Variants in CTNNA2 observed in about 807,000 individuals in gnomAD.
The protein encoded by CTNNA2 is catenin alpha 2.
In CTNNA2, 42 loss-of-function variants were observed where a neutral mutation model predicts 101.0. The observed-to-expected ratio is 0.42, with a 90% confidence interval of 0.32 to 0.54. The LOEUF (loss-of-function observed/expected upper bound fraction) is 0.54. CTNNA2 is among the 20% of genes least tolerant of loss of function. CTNNA2 has a pLI of 0.14. For synonymous variants in CTNNA2, 450 were observed against 456.4 expected (o/e 0.99, Z 0.18); for missense variants, 871 against 1,223.1 (o/e 0.71, Z 4.29).
intron 7 of CTNNA2, among the ~76,000 whole-genome samples, chr2:80,252,792 A>G (rs961150415): frequency 1.3e-5 from 2 of 152,124 alleles, no homozygotes; most frequent in Non-Finnish European, 2.9e-5. Context: ...AGGTTACAAG[A>G]GGACTTGTAG....
At chr2:79,902,807 A>G (rs956271100) in intron 6 of CTNNA2, among the ~76,000 whole-genome samples, 1 of 151,820 alleles carries the variant, frequency 6.6e-6, no homozygotes, top group African/African-American at 2.4e-5. Context: ...TTGTATTTTT[A>G]GTAGAGGCGG....
At chr2:79,329,066 G>A (rs554345120) in intron 3 of CTNNA2, among the ~76,000 whole-genome samples, 5 of 152,246 alleles carry the variant, frequency 3.3e-5, no homozygotes, top group East Asian at 3.9e-4. Flanking sequence ...CCTTAATCCA[G>A]CATGAACTCA....
intron 4 of CTNNA2, among the ~76,000 whole-genome samples, chr2:79,483,994 T>C (rs1671133881): frequency 6.6e-6 from 1 of 152,054 alleles, no homozygotes; most frequent in Non-Finnish European, 1.5e-5. Context: ...AAAATACATG[T>C]ATGGTTGGGA....
At chr2:80,530,370 C>A (rs1379198204) in intron 9 of CTNNA2, among the ~76,000 whole-genome samples, 1 of 152,158 alleles carries the variant, frequency 6.6e-6, no homozygotes, top group Non-Finnish European at 1.5e-5. Context: ...GTAGGGCACT[C>A]AACAAGGGAG....
chr2:80,008,748 C>T (rs1693557827), intron 7 of CTNNA2, among the ~76,000 whole-genome samples: 1 of 152,176 alleles, frequency 6.6e-6, no homozygotes, highest in Admixed American at 6.5e-5. Flanking sequence ...ATGGAAATGG[C>T]ACTACCACCC....
intron 1 of CTNNA2, among the ~76,000 whole-genome samples, chr2:79,603,040 A>G (rs535170966): frequency 6.6e-6 from 1 of 152,318 alleles, no homozygotes; most frequent in African/African-American, 2.4e-5. Context: ...TTAAAGCCAC[A>G]GTAGTTAAAA....
intron 3 of CTNNA2, among the ~76,000 whole-genome samples, chr2:79,818,955 T>A (rs1326496646): frequency 2.8e-5 from 4 of 145,302 alleles, no homozygotes; most frequent in Non-Finnish European, 6.0e-5. Context: ...CCCTATCTAC[T>A]GTTTCTCCTC....
intron 6 of CTNNA2, among the ~76,000 whole-genome samples, chr2:79,909,189 G>A (rs1163141358): frequency 6.6e-6 from 1 of 152,146 alleles, no homozygotes; most frequent in East Asian, 1.9e-4. Flanking sequence ...ACAAGCCACA[G>A]CTAATGCATA....
intron 7 of CTNNA2, among the ~76,000 whole-genome samples, chr2:80,375,702 C>T (rs1675886287): frequency 6.6e-6 from 1 of 151,032 alleles, no homozygotes; most frequent in Non-Finnish European, 1.5e-5. Context: ...GTAGCTGGGA[C>T]TACAGGCGCC....
intron 2 of CTNNA2, among the ~76,000 whole-genome samples, chr2:79,667,683 G>A (rs1247504403): frequency 6.6e-6 from 1 of 152,160 alleles, no homozygotes; most frequent in African/African-American, 2.4e-5. Context: ...ACATGAAAAT[G>A]AATTATATCT....
intron 8 of CTNNA2, among the ~76,000 whole-genome samples, chr2:80,400,917 C>G (rs912389745): frequency 1.3e-5 from 2 of 152,178 alleles, no homozygotes; most frequent in Non-Finnish European, 2.9e-5. Flanking sequence ...GTATCATAAG[C>G]CAGTGTTTCC....
intron 9 of CTNNA2, among the ~76,000 whole-genome samples, chr2:80,518,412 T>C (rs1177382765): frequency 6.6e-6 from 1 of 152,216 alleles, no homozygotes. Context: ...ACATTCCATG[T>C]CCTTCTTGTC....
intron 4 of CTNNA2, among the ~76,000 whole-genome samples, chr2:79,440,519 GTTGT>G (rs1319900912): frequency 1.3e-5 from 2 of 152,086 alleles, no homozygotes; most frequent in Non-Finnish European, 2.9e-5. Context: ...TTGCTTGTTT[GTTGT>G]TTGTTTTCTG....
intron 9 of CTNNA2, among the ~76,000 whole-genome samples, chr2:80,533,523 A>G (rs1213495336): frequency 3.3e-5 from 5 of 152,124 alleles, no homozygotes; most frequent in Non-Finnish European, 7.4e-5. Flanking sequence ...GTTTTAGAGA[A>G]TAGCTGCACT....
intron 7 of CTNNA2, among the ~76,000 whole-genome samples, chr2:80,277,242 T>C (rs1673978607): frequency 6.6e-6 from 1 of 152,140 alleles, no homozygotes; most frequent in South Asian, 2.1e-4. Context: ...CATCATTCTT[T>C]CAGCAGATCA....
chr2:79,583,976 A>G (rs948062371), intron 1 of CTNNA2, among the ~76,000 whole-genome samples: 2 of 152,158 alleles, frequency 1.3e-5, no homozygotes, highest in East Asian at 1.9e-4. Context: ...ACACTTGGTT[A>G]TATTTCAAGT....
chr2:79,506,453 G>T (rs775233768), intron 5 of CTNNA2, among the ~76,000 whole-genome samples: 1 of 152,104 alleles, frequency 6.6e-6, no homozygotes, highest in African/African-American at 2.4e-5. Flanking sequence ...GAGTCAGACT[G>T]CATAGGCTAT....
At chr2:79,313,907 A>G (rs1171509990) in intron 3 of CTNNA2, among the ~76,000 whole-genome samples, 1 of 152,078 alleles carries the variant, frequency 6.6e-6, no homozygotes, top group East Asian at 1.9e-4. Context: ...CCGCAGGGAG[A>G]TGGGCAAGAC....
chr2:80,219,363 T>C (rs1272735060), intron 7 of CTNNA2, among the ~76,000 whole-genome samples: 1 of 152,240 alleles, frequency 6.6e-6, no homozygotes, highest in Non-Finnish European at 1.5e-5. Flanking sequence ...GAAGCACTGT[T>C]ATCTATTATT....
Sources: allele counts gnomAD v4.1 joint callset (sites outside exome capture counted in the v4.1 genomes callset), GRCh38; gene constraint gnomAD v4.1.1; transcripts MANE v1.5; gene names NCBI Gene and HGNC (gene_info 2026-07-23, HGNC 2026-07-21).